The following FAM13C variants were observed in gnomAD, a reference collection of about 807,000 sequenced individuals.
The protein encoded by FAM13C is family with sequence similarity 13 member C, also known as protein FAM13C.
FAM13C carries 37 observed loss-of-function variants against 73.2 expected under a neutral mutation model. The ratio of observed to expected loss-of-function variants is 0.51; its 90% confidence interval spans 0.39 to 0.67. FAM13C has a LOEUF of 0.67. FAM13C is among the 30% of genes least tolerant of loss of function. The pLI, the probability that FAM13C is intolerant of heterozygous loss-of-function variation, is 0.00. For synonymous variants in FAM13C, 246 were observed against 260.9 expected, an observed-to-expected ratio of 0.94 and a Z score of 0.55; for missense variants, 589 against 715.6, an observed-to-expected ratio of 0.82 and a Z score of 2.02.
chr10:59,265,417 A>G (rs1385015071), intron 8 of FAM13C, among the ~76,000 whole-genome samples: 1 of 142,574 alleles, frequency 7.0e-6, no homozygotes, highest in Non-Finnish European at 1.5e-5. Context: ...AGTCCTATCT[A>G]TGGTTTGCTA....
At chr10:59,340,532 T>C (rs1002393108) in intron 3 of FAM13C, among the ~76,000 whole-genome samples, 2 of 152,240 alleles carry the variant, frequency 1.3e-5, no homozygotes. Context: ...AGACCCTTGT[T>C]CCTTCGGACT....
chr10:59,286,593 T>G (rs1436575758), intron 5 of FAM13C, among the ~76,000 whole-genome samples: 7 of 143,162 alleles, frequency 4.9e-5, no homozygotes, highest in African/African-American at 1.6e-4. Flanking sequence ...TGCTGGGGGG[T>G]GGGACATAGG....
At chr10:59,266,083 G>A (rs1347288455) in intron 8 of FAM13C, among the ~76,000 whole-genome samples, 1 of 152,186 alleles carries the variant, frequency 6.6e-6, no homozygotes, top group African/African-American at 2.4e-5. Flanking sequence ...GACCTCAGTT[G>A]CTGTTCTGGC....
intron 2 of FAM13C, among the ~76,000 whole-genome samples, chr10:59,355,036 A>C (rs1256410002): frequency 6.6e-6 from 1 of 151,894 alleles, no homozygotes; most frequent in Non-Finnish European, 1.5e-5. Context: ...AATAAATAAA[A>C]ATCCATATGC....
chr10:59,250,739 A>C (rs1841292377), intron 13 of FAM13C, among the ~76,000 whole-genome samples: 1 of 152,224 alleles, frequency 6.6e-6, no homozygotes, highest in South Asian at 2.1e-4. Flanking sequence ...GAGTTGAATA[A>C]TGAGTTTAAT....
intron 3 of FAM13C, among the ~76,000 whole-genome samples, chr10:59,346,573 A>C (rs951975765): frequency 2.0e-5 from 3 of 152,178 alleles, no homozygotes; most frequent in African/African-American, 7.2e-5. Flanking sequence ...CTGCTAAAAT[A>C]GCCACCAGAG....
At chr10:59,356,903 A>G (rs1855777118) in intron 1 of FAM13C, among the ~76,000 whole-genome samples, 1 of 152,212 alleles carries the variant, frequency 6.6e-6, no homozygotes, top group South Asian at 2.1e-4. Flanking sequence ...GCTGGAAAGA[A>G]CAGACTTGCT....
chr10:59,362,617 C>T, upstream of FAM13C: 2 of 1,455,996 alleles, frequency 1.4e-6, no homozygotes, highest in Non-Finnish European at 9.0e-7. Context: ...ACACCCCCAG[C>T]AGGGGCCCAG....
Position 59,246,621 on chromosome 10 carries a change from C to T in FAM13C, c.*993G>A. ...ATGATATACACTGAAGTTGATGAAG[C>T]AAATAAATATTCTGGCTTCTTTTTC... On this transcript the variant is annotated 3_prime_UTR_variant, in exon 14 of 14. Coordinates refer to ENST00000618804, the MANE Select transcript of FAM13C (RefSeq NM_198215.4). 2.5e-6 allele frequency: 1 copy of T among 397,666 alleles called. No individual in the cohort carries two copies. The highest frequency in any genetic ancestry group is 4.4e-6 in the Non-Finnish European group (1 of 225,200). 24.6% of individuals were successfully genotyped at this position (397,666 alleles called of 1,614,324 possible).
At chr10:59,317,439 G>A (rs888908945) in intron 4 of FAM13C, among the ~76,000 whole-genome samples, 1 of 152,134 alleles carries the variant, frequency 6.6e-6, no homozygotes. Flanking sequence ...TAAGGACAAA[G>A]TTTCCTGTTT....
chr10:59,320,637 G>C (rs1488252395), intron 4 of FAM13C, among the ~76,000 whole-genome samples: 1 of 152,222 alleles, frequency 6.6e-6, no homozygotes, highest in Non-Finnish European at 1.5e-5. Context: ...CAGCCACATG[G>C]TGGAAGAAGA....
At chr10:59,294,713 C>A (rs777829171) in intron 5 of FAM13C, among the ~76,000 whole-genome samples, 108 of 152,192 alleles carry the variant, frequency 7.1e-4, no homozygotes, top group Admixed American at 1.4e-3. Flanking sequence ...AGTATTCACA[C>A]CGTGAACATG....
At chr10:59,362,954 G>T (rs1418854960), upstream of FAM13C, 1 of 162,950 alleles carries the variant, frequency 6.1e-6, no homozygotes, top group Non-Finnish European at 1.3e-5. Context: ...CAGGGATGGA[G>T]GCTCGCAGAG....
At chr10:59,259,326 T>G (rs1468706020) in intron 10 of FAM13C, among the ~76,000 whole-genome samples, 1 of 152,192 alleles carries the variant, frequency 6.6e-6, no homozygotes, top group Non-Finnish European at 1.5e-5. Context: ...ATCTTGAAAT[T>G]TTAATATTTA....
At chr10:59,342,719 A>C (rs1318732746) in intron 3 of FAM13C, among the ~76,000 whole-genome samples, 1 of 152,198 alleles carries the variant, frequency 6.6e-6, no homozygotes, top group Non-Finnish European at 1.5e-5. Flanking sequence ...CTTGAGGTTA[A>C]TATGTTATGC....
intron 4 of FAM13C, 95 bp downstream of exon 4, chr10:59,323,893 G>A: frequency 9.1e-7 from 1 of 1,097,116 alleles, no homozygotes; most frequent in Non-Finnish European, 1.4e-6. Flanking sequence ...GCAAAAGTCA[G>A]AAAGCCTTGC....
chr10:59,259,058 TA>T (rs1564484764), intron 10 of FAM13C, among the ~76,000 whole-genome samples: 1 of 152,092 alleles, frequency 6.6e-6, no homozygotes, highest in African/African-American at 2.4e-5. Flanking sequence ...ATAAAAGACA[TA>T]AATAGGCACT....
chr10:59,291,031 A>G (rs1264169645), intron 5 of FAM13C, among the ~76,000 whole-genome samples: 2 of 152,156 alleles, frequency 1.3e-5, no homozygotes, highest in Non-Finnish European at 2.9e-5. Context: ...AGGGTCTTTC[A>G]ACACAAGAAG....
At position 59,283,393 on chromosome 10, in the gene FAM13C, T is replaced by C. The variant is rs746281857; in HGVS notation, c.562A>G (p.Ser188Gly). 1 of 1,614,166 alleles carries C rather than the reference T, an allele frequency of 6.2e-7. No homozygotes were observed. The highest frequency in any genetic ancestry group is 1.7e-5 in the Admixed American group (1 of 60,022). Residue 188 changes from serine (S) to glycine (G), a missense_variant, in exon 6 of 14, where the codon AGC (serine) becomes GGC (glycine). Ser to Gly is a moderately conservative substitution (Grantham distance 56). Transcript: ENST00000618804. ...GAATCTGTCCCATCGGCAAGCACGCTCTGGGTTGATGCTGGCGCCGGGTCC... is the reference window on the plus strand; with the variant it reads ...GAATCTGTCCCATCGGCAAGCACGCCCTGGGTTGATGCTGGCGCCGGGTCC... ...VKDPAPASTQSVLADGTDSAD... is the reference protein window; with the variant it reads ...VKDPAPASTQGVLADGTDSAD...
Sources: gnomAD v4.1 joint callset for allele counts (sites outside exome capture counted in the v4.1 genomes callset) on GRCh38, gnomAD v4.1.1 for gene constraint, MANE v1.5 for transcripts, NCBI Gene and HGNC (gene_info 2026-07-23, HGNC 2026-07-21) for gene names.